CNTLN: variants seen among roughly 807,000 people sequenced by gnomAD.
CNTLN encodes the protein centlein.
Under a neutral mutation model 180.0 loss-of-function variants are expected in CNTLN, and 212 were observed. The observed-to-expected ratio is 1.18, with a 90% confidence interval of 1.05 to 1.32. The LOEUF is 1.32. Among genes scored for constraint, CNTLN ranks in the 40% most tolerant of loss-of-function variants. CNTLN has a pLI of 0.00. For synonymous variants in CNTLN, 722 were observed against 563.1 expected, an observed-to-expected ratio of 1.28 and a Z score of -3.99; for missense variants, 2,095 against 1,610.9, an observed-to-expected ratio of 1.30 and a Z score of -5.14.
chr9:17,175,655 A>T (rs1463216779), intron 2 of CNTLN, among the ~76,000 whole-genome samples: 1 of 151,778 alleles, frequency 6.6e-6, no homozygotes, highest in African/African-American at 2.4e-5. Flanking sequence ...AGTTTAGAAG[A>T]CTCTTGTCTC....
At chr9:17,289,694 G>T (rs1829232192) in intron 6 of CNTLN, among the ~76,000 whole-genome samples, 1 of 136,554 alleles carries the variant, frequency 7.3e-6, no homozygotes, top group African/African-American at 3.0e-5. Context: ...ATTTCTTGGA[G>T]GCTTTGCTCA....
At chr9:17,444,456 C>G (rs957124778) in intron 18 of CNTLN, among the ~76,000 whole-genome samples, 1 of 152,184 alleles carries the variant, frequency 6.6e-6, no homozygotes, top group Non-Finnish European at 1.5e-5. Flanking sequence ...TTGGGCAGGA[C>G]TGATTTATAC....
intron 18 of CNTLN, among the ~76,000 whole-genome samples, chr9:17,436,249 T>G (rs1003688282): frequency 2.0e-5 from 3 of 152,228 alleles, no homozygotes; most frequent in African/African-American, 7.2e-5. Flanking sequence ...GATTTCTTGA[T>G]GAATTATTGA....
intron 18 of CNTLN, among the ~76,000 whole-genome samples, chr9:17,430,630 C>A (rs1207951645): frequency 6.6e-6 from 1 of 152,046 alleles, no homozygotes; most frequent in Non-Finnish European, 1.5e-5. Context: ...TACTGTACTA[C>A]TGAACACTAG....
chr9:17,462,183 G>A (rs1185207723), intron 19 of CNTLN, among the ~76,000 whole-genome samples: 1 of 151,536 alleles, frequency 6.6e-6, no homozygotes, highest in Non-Finnish European at 1.5e-5. Flanking sequence ...TCTTTTGCTG[G>A]TCTCTTCTGG....
chr9:17,215,706 C>T (rs74555320), intron 2 of CNTLN, among the ~76,000 whole-genome samples: 7 of 152,030 alleles, frequency 4.6e-5, no homozygotes, highest in South Asian at 2.1e-4. Context: ...CCACGCAGTT[C>T]GAGCTTCTTG....
intron 5 of CNTLN, among the ~76,000 whole-genome samples, chr9:17,249,499 C>T (rs1473847583): frequency 6.6e-6 from 1 of 151,874 alleles, no homozygotes; most frequent in Non-Finnish European, 1.5e-5. Flanking sequence ...CAGGTGCCTG[C>T]CACCACACCT....
chr9:17,257,137 C>A (rs185789390), intron 5 of CNTLN, among the ~76,000 whole-genome samples: 2 of 151,838 alleles, frequency 1.3e-5, no homozygotes, highest in Non-Finnish European at 2.9e-5. Flanking sequence ...TCCTCCCACC[C>A]CACAACAGTC....
chr9:17,248,329 T>A (rs1040356865), intron 5 of CNTLN, among the ~76,000 whole-genome samples: 1 of 152,022 alleles, frequency 6.6e-6, no homozygotes, highest in East Asian at 1.9e-4. Flanking sequence ...TCTTCAGAAG[T>A]TGGGTAGAAT....
Position 17,201,667 on chromosome 9 carries a change from G to C in CNTLN, c.450-24536G>C, listed in dbSNP as rs139587564. On this transcript the variant is annotated intron_variant, in intron 2 of 25. Coordinates refer to ENST00000380647, the MANE Select transcript of CNTLN (RefSeq NM_017738.4). The stretch of plus-strand genomic sequence containing the variant: ...TCTGATGGTAGTTTGTATTTCTGTG[G>C]GATCAGTGGTGATATCCCCTTTATA... 6.9e-3 allele frequency among the ~76,000 whole-genome samples: 1,047 copies of C among 152,054 alleles called. 11 individuals carry two copies. Among genetic ancestry groups the C allele is most frequent in the African/African-American group, 0.024 (990 of 41,486 alleles).
intron 2 of CNTLN, among the ~76,000 whole-genome samples, chr9:17,178,589 G>A (rs903503569): frequency 1.3e-5 from 2 of 152,116 alleles, no homozygotes; most frequent in Admixed American, 1.3e-4. Context: ...AGGCAGCTAA[G>A]GCCCGGTGAG....
At chr9:17,349,596 T>C (rs921577742) in intron 12 of CNTLN, among the ~76,000 whole-genome samples, 8 of 152,146 alleles carry the variant, frequency 5.3e-5, no homozygotes, top group Non-Finnish European at 1.0e-4. Context: ...GTTTCTACCA[T>C]TGAGTATGGT....
At chr9:17,485,748 G>A (rs538351700) in intron 24 of CNTLN, among the ~76,000 whole-genome samples, 40 of 152,192 alleles carry the variant, frequency 2.6e-4, no homozygotes, top group Non-Finnish European at 1.9e-4. Flanking sequence ...GCTAACACAT[G>A]TACATATTCT....
intron 12 of CNTLN, among the ~76,000 whole-genome samples, chr9:17,346,634 A>C (rs1230372164): frequency 6.6e-6 from 1 of 152,170 alleles, no homozygotes; most frequent in Non-Finnish European, 1.5e-5. Context: ...CATTCTGTTT[A>C]CTTGCTTTCA....
At chr9:17,442,896 A>G (rs1240793657) in intron 18 of CNTLN, among the ~76,000 whole-genome samples, 1 of 152,090 alleles carries the variant, frequency 6.6e-6, no homozygotes, top group African/African-American at 2.4e-5. Context: ...TTTTACCACA[A>G]TAAAAAAGGT....
At chr9:17,145,487 T>C (rs1199363892) in intron 2 of CNTLN, among the ~76,000 whole-genome samples, 1 of 152,222 alleles carries the variant, frequency 6.6e-6, no homozygotes. Flanking sequence ...TATAGTCCAT[T>C]AGTTATCCAA....
chr9:17,396,083 C>G (rs1826498047), intron 15 of CNTLN, among the ~76,000 whole-genome samples: 1 of 152,192 alleles, frequency 6.6e-6, no homozygotes, highest in South Asian at 2.1e-4. Context: ...TGACAGTTTA[C>G]AAATACCATG....
At chr9:17,327,728 TG>T (rs1397575692) in intron 8 of CNTLN, among the ~76,000 whole-genome samples, 15 of 152,002 alleles carry the variant, frequency 9.9e-5, no homozygotes, top group Non-Finnish European at 1.5e-5. Context: ...CCGAGGCAGG[TG>T]GATCACCTGA....
At chr9:17,145,470 C>A (rs1188184774) in intron 2 of CNTLN, among the ~76,000 whole-genome samples, 1 of 152,150 alleles carries the variant, frequency 6.6e-6, no homozygotes, top group African/African-American at 2.4e-5. Context: ...AATAGATGAT[C>A]TTTCTGTATA....
Sources: allele counts gnomAD v4.1 joint callset (sites outside exome capture counted in the v4.1 genomes callset), GRCh38; gene constraint gnomAD v4.1.1; transcripts MANE v1.5; gene names NCBI Gene and HGNC (gene_info 2026-07-23, HGNC 2026-07-21).